NT5C2: variants seen among roughly 807,000 people sequenced by gnomAD.
The protein encoded by NT5C2 is 5'-nucleotidase, cytosolic II, also known as cytosolic purine 5'-nucleotidase.
NT5C2 carries 58 observed loss-of-function variants against 76.1 expected under a neutral mutation model. The ratio of observed to expected loss-of-function variants is 0.76; its 90% CI spans 0.62 to 0.95. The LOEUF (loss-of-function observed/expected upper bound fraction) is 0.95, where lower values mean the gene tolerates loss of function less well. Ranked by LOEUF, NT5C2 falls within the 40% of genes least tolerant of loss-of-function variation. The pLI is 0.00. For missense variants in NT5C2, 478 were observed against 690.3 expected (o/e 0.69, Z 3.45); for synonymous variants, 229 against 237.4 (o/e 0.96, Z 0.32).
intron 1 of NT5C2, among the ~76,000 whole-genome samples, chr10:103,183,539 TC>T: frequency 6.9e-6 from 1 of 144,892 alleles, no homozygotes. Flanking sequence ...AAAGACGAAG[TC>T]TCTTTCGCTC....
chr10:103,136,688 C>T (rs2079339403), intron 4 of NT5C2, among the ~76,000 whole-genome samples: 1 of 151,352 alleles, frequency 6.6e-6, no homozygotes, highest in South Asian at 2.1e-4. Flanking sequence ...GCATTGGCAC[C>T]ATCTCAGCTC....
chr10:103,097,359 G>A lies in NT5C2; in HGVS notation c.703C>T (p.Leu235Phe), dbSNP rs1249138765. 1 of 1,613,384 alleles carries A rather than the reference G, an allele frequency of 6.2e-7. No individual in the cohort carries two copies. Among genetic ancestry groups the A allele is most frequent in the African/African-American group, 1.3e-5 (1 of 74,882 alleles). Reference protein sequence around the residue: ...YVVKDGKLPLLLSRMKEVGKV... With the variant: ...YVVKDGKLPLFLSRMKEVGKV... Reference sequence around the variant, plus strand: ...CCTACTTCCTTCATCCGGCTCAGAAGCAAAGGCAGTTTTCCCTGAAATGTA... The same window carrying A: ...CCTACTTCCTTCATCCGGCTCAGAAACAAAGGCAGTTTTCCCTGAAATGTA... The change falls in exon 11 of 19, where the codon CTT becomes TTT. Residue 235 changes from leucine to phenylalanine, a missense_variant. Leu to Phe is a conservative substitution (Grantham distance 22, BLOSUM62 0). Coordinates refer to ENST00000404739, the MANE Select transcript of NT5C2 (RefSeq NM_001351169.2).
intron 3 of NT5C2, among the ~76,000 whole-genome samples, chr10:103,148,535 C>T (rs1405084029): frequency 6.6e-6 from 1 of 150,826 alleles, no homozygotes; most frequent in Non-Finnish European, 1.5e-5. Flanking sequence ...ACCCAGGAGG[C>T]AGAGCTTGCA....
intron 1 of NT5C2, among the ~76,000 whole-genome samples, chr10:103,188,086 G>A (rs1483965724): frequency 2.0e-5 from 3 of 152,254 alleles, no homozygotes; most frequent in Admixed American, 1.3e-4. Context: ...GGCGGACGCG[G>A]TGGCTCACGC....
rs767133782 is a variant in NT5C2 at position 103,097,313 on chromosome 10, T to C, written c.749A>G (p.Asn250Ser). The change falls in exon 11 of 19, where the codon AAC becomes AGC. Residue 250 changes from asparagine to serine, a missense_variant. By Grantham distance (46) the Asn-to-Ser change is conservative. Coordinates refer to ENST00000404739, the MANE Select transcript of NT5C2 (RefSeq NM_001351169.2). ...TACATCTGTATATTTATAGTCACTG[T>C]TGGTAGCAAGAAATACTTTCCCTAC... ...KEVGKVFLATNSDYKYTDKIM... is the reference protein window; with the variant it reads ...KEVGKVFLATSSDYKYTDKIM... The C allele has an allele frequency of 1.2e-6, 2 of 1,613,348 alleles. No homozygotes were observed. Among genetic ancestry groups the C allele is most frequent in the Non-Finnish European group, 1.7e-6 (2 of 1,179,542 alleles).
At chr10:103,186,770 C>T (rs371005733) in intron 1 of NT5C2, among the ~76,000 whole-genome samples, 1 of 151,744 alleles carries the variant, frequency 6.6e-6, no homozygotes, top group East Asian at 1.9e-4. Context: ...AAAAAATAGC[C>T]AGGCGTGGTG....
At position 103,090,950 on chromosome 10, in the gene NT5C2, G is replaced by A; in HGVS notation, c.1258C>T (p.Gln420Ter). 1 of 1,613,854 alleles carries A rather than the reference G, an allele frequency of 6.2e-7. No homozygotes were observed. The highest frequency in any genetic ancestry group is 8.5e-7 in the Non-Finnish European group (1 of 1,179,816). ...CATTTGGATACCTTAATACGTCTCT[G>A]GATGGAACTGATGTCTGGACGCTCA... ...SNERPDISSI[Q>*]RRIKKVTHDM... The change falls in exon 17 of 19, where the codon CAG becomes TAG. Residue 420 changes from glutamine (Q) to a stop codon, truncating the protein, a stop_gained. Transcript: ENST00000404739. LOFTEE classifies it high-confidence loss of function.
intron 3 of NT5C2, among the ~76,000 whole-genome samples, chr10:103,142,974 G>C (rs902096765): frequency 4.0e-5 from 5 of 125,426 alleles, no homozygotes; most frequent in Non-Finnish European, 8.2e-5. Flanking sequence ...GGGCTACAAA[G>C]CAAGATTCCA....
intron 10 of NT5C2, chr10:103,098,091 G>A (rs1017591707): frequency 3.8e-6 from 2 of 528,574 alleles, no homozygotes; most frequent in South Asian, 2.8e-5. Flanking sequence ...CTTTTACTCT[G>A]TAGGAAAAGA....
chr10:103,134,160 G>A (rs558347271), intron 4 of NT5C2, among the ~76,000 whole-genome samples: 2 of 152,300 alleles, frequency 1.3e-5, no homozygotes, highest in Admixed American at 1.3e-4. Context: ...GCCCTGTACA[G>A]AAATTTGCAT....
intron 4 of NT5C2, among the ~76,000 whole-genome samples, chr10:103,116,236 T>C (rs2074303276): frequency 6.6e-6 from 1 of 152,220 alleles, no homozygotes; most frequent in African/African-American, 2.4e-5. Context: ...AGGAAATATG[T>C]AATGAGCTGC....
chr10:103,123,830 A>C (rs1329825522), intron 4 of NT5C2, among the ~76,000 whole-genome samples: 3 of 150,908 alleles, frequency 2.0e-5, no homozygotes, highest in African/African-American at 7.3e-5. Context: ...GAGCCAAAAA[A>C]CTCAAGCCTT....
intron 9 of NT5C2, 123 bp downstream of exon 9, chr10:103,099,803 C>T (rs968088349): frequency 1.0e-5 from 6 of 593,052 alleles, no homozygotes; most frequent in East Asian, 8.8e-5. Flanking sequence ...TATCACTAGG[C>T]GGGGGCAAAT....
At chr10:103,104,867 T>C (rs569935800) in intron 6 of NT5C2, among the ~76,000 whole-genome samples, 1 of 152,342 alleles carries the variant, frequency 6.6e-6, no homozygotes, top group African/African-American at 2.4e-5. Context: ...CAAGAATGAA[T>C]AGTAAATGGA....
At chr10:103,179,011 C>A (rs567223497) in intron 2 of NT5C2, among the ~76,000 whole-genome samples, 8 of 145,780 alleles carry the variant, frequency 5.5e-5, no homozygotes, top group Non-Finnish European at 7.5e-5. Context: ...TGCAGTGATG[C>A]GATCTTGGCT....
At chr10:103,092,883 C>T (rs1266662723) in intron 15 of NT5C2, among the ~76,000 whole-genome samples, 2 of 146,074 alleles carry the variant, frequency 1.4e-5, no homozygotes, top group South Asian at 2.2e-4. Context: ...TGTAACACAA[C>T]TCAAGACGCC....
chr10:103,104,836 G>C (rs533136937), intron 6 of NT5C2, among the ~76,000 whole-genome samples: 2 of 152,292 alleles, frequency 1.3e-5, no homozygotes, highest in South Asian at 2.1e-4. Context: ...ATGTAGCCTG[G>C]TGTTTTTCCT....
intron 4 of NT5C2, among the ~76,000 whole-genome samples, chr10:103,132,910 T>G (rs1043900840): frequency 6.6e-6 from 1 of 152,118 alleles, no homozygotes; most frequent in African/African-American, 2.4e-5. Context: ...ATGAACTACT[T>G]ACTGGTAGAC....
At chr10:103,190,742 T>A (rs1240476896) in intron 1 of NT5C2, among the ~76,000 whole-genome samples, 1 of 152,182 alleles carries the variant, frequency 6.6e-6, no homozygotes, top group African/African-American at 2.4e-5. Context: ...TCACTCAACA[T>A]ATGCCTTGTG....
Sources: gnomAD v4.1 joint callset for allele counts (sites outside exome capture counted in the v4.1 genomes callset) on GRCh38, gnomAD v4.1.1 for gene constraint, MANE v1.5 for transcripts, NCBI Gene and HGNC (gene_info 2026-07-23, HGNC 2026-07-21) for gene names.